The following LRMDA variants were observed in gnomAD, a reference collection of about 807,000 sequenced individuals.
The protein encoded by LRMDA is leucine-rich melanocyte differentiation-associated protein.
In LRMDA, 18 loss-of-function variants were observed where a neutral mutation model predicts 29.8. The ratio of observed to expected loss-of-function variants is 0.60; its 90% confidence interval spans 0.42 to 0.90. The LOEUF (loss-of-function observed/expected upper bound fraction) is 0.90. LRMDA is among the 40% of genes least tolerant of loss of function. The pLI is 0.00. For missense variants in LRMDA, 273 were observed against 273.9 expected (o/e 1.00, Z 0.02); for synonymous variants, 125 against 109.4 (o/e 1.14, Z -0.89).
intron 2 of LRMDA, among the ~76,000 whole-genome samples, chr10:75,611,024 G>A (rs986730866): frequency 6.6e-6 from 1 of 152,164 alleles, no homozygotes; most frequent in Non-Finnish European, 1.5e-5. Flanking sequence ...CAGGGTTTGG[G>A]GTGGTATGAG....
chr10:76,085,694 G>T (rs1052284729), intron 5 of LRMDA, among the ~76,000 whole-genome samples: 1 of 152,152 alleles, frequency 6.6e-6, no homozygotes, highest in African/African-American at 2.4e-5. Flanking sequence ...ATGTTGGTCT[G>T]CCTGGGACAG....
chr10:75,506,204 CAT>C (rs1050978692), intron 2 of LRMDA, among the ~76,000 whole-genome samples: 3 of 152,168 alleles, frequency 2.0e-5, no homozygotes, highest in Non-Finnish European at 2.9e-5. Context: ...TGACCCCAAA[CAT>C]AGACTCTCAG....
At chr10:75,583,030 G>A (rs1840613757) in intron 2 of LRMDA, among the ~76,000 whole-genome samples, 1 of 152,088 alleles carries the variant, frequency 6.6e-6, no homozygotes, top group Non-Finnish European at 1.5e-5. Context: ...TTCTCAGCCT[G>A]GACTTCATTG....
chr10:76,351,382 A>G (rs747361798), intron 6 of LRMDA, among the ~76,000 whole-genome samples: 9 of 152,120 alleles, frequency 5.9e-5, no homozygotes, highest in Non-Finnish European at 8.8e-5. Context: ...TCATGGAGAT[A>G]AGCTAACATG....
chr10:75,852,753 A>G (rs1844753359), intron 2 of LRMDA, among the ~76,000 whole-genome samples: 1 of 152,148 alleles, frequency 6.6e-6, no homozygotes, highest in African/African-American at 2.4e-5. Flanking sequence ...AGTAGGCGGT[A>G]GCTCCTGAGA....
intron 5 of LRMDA, among the ~76,000 whole-genome samples, chr10:76,304,393 A>C (rs552462109): frequency 1.2e-4 from 19 of 152,314 alleles, no homozygotes; most frequent in African/African-American, 4.6e-4. Flanking sequence ...GGATGACTCC[A>C]TTTGGCAGAA....
At chr10:76,485,829 T>C (rs1842778104) in intron 6 of LRMDA, among the ~76,000 whole-genome samples, 1 of 151,976 alleles carries the variant, frequency 6.6e-6, no homozygotes, top group Admixed American at 6.6e-5. Context: ...TTAATTCTTA[T>C]TCTGTTTCTC....
chr10:76,260,015 T>C (rs1839912939), intron 5 of LRMDA, among the ~76,000 whole-genome samples: 1 of 152,096 alleles, frequency 6.6e-6, no homozygotes, highest in African/African-American at 2.4e-5. Flanking sequence ...ATTGGATCTT[T>C]TTTTTTTAAA....
At chr10:76,206,083 A>G (rs1043115176) in intron 5 of LRMDA, among the ~76,000 whole-genome samples, 4 of 152,152 alleles carry the variant, frequency 2.6e-5, no homozygotes, top group African/African-American at 9.7e-5. Context: ...CGATCAAAAG[A>G]CGCATCTGGA....
At chr10:76,302,540 G>A (rs1840494169) in intron 5 of LRMDA, among the ~76,000 whole-genome samples, 2 of 152,070 alleles carry the variant, frequency 1.3e-5, no homozygotes, top group South Asian at 4.2e-4. Context: ...TTGGGGGGTG[G>A]TGGTGGGGAT....
chr10:75,910,031 A>C (rs1845818123), intron 2 of LRMDA, among the ~76,000 whole-genome samples: 1 of 152,172 alleles, frequency 6.6e-6, no homozygotes, highest in Non-Finnish European at 1.5e-5. Context: ...CTTAGGAGGG[A>C]CTGGAATTTT....
chr10:75,865,611 A>G (rs1381584305), intron 2 of LRMDA, among the ~76,000 whole-genome samples: 3 of 152,170 alleles, frequency 2.0e-5, no homozygotes, highest in Non-Finnish European at 4.4e-5. Flanking sequence ...AGGTTTAGAA[A>G]AAATTTGTTT....
chr10:76,179,377 C>T (rs11001671), intron 5 of LRMDA, among the ~76,000 whole-genome samples: 24,341 of 151,626 alleles, frequency 0.16, 2,666 homozygotes, highest in East Asian at 0.52. Context: ...GATGAGGAAA[C>T]GGAGGCCTAG....
At chr10:76,168,694 T>G (rs889234611) in intron 5 of LRMDA, among the ~76,000 whole-genome samples, 1 of 151,742 alleles carries the variant, frequency 6.6e-6, no homozygotes, top group Non-Finnish European at 1.5e-5. Context: ...TAGATGAAAC[T>G]GTATGATGAG....
intron 6 of LRMDA, among the ~76,000 whole-genome samples, chr10:76,513,994 G>A (rs1015795594): frequency 6.6e-6 from 1 of 152,130 alleles, no homozygotes; most frequent in Non-Finnish European, 1.5e-5. Flanking sequence ...AGAACAAATA[G>A]TATTAGGGTA....
chr10:76,266,538 T>C (rs990917151), intron 5 of LRMDA, among the ~76,000 whole-genome samples: 4 of 152,200 alleles, frequency 2.6e-5, no homozygotes, highest in Admixed American at 6.5e-5. Context: ...CAATACCTGT[T>C]TGAGGAAAGA....
chr10:75,753,430 A>G (rs1842990686), intron 2 of LRMDA, among the ~76,000 whole-genome samples: 1 of 152,204 alleles, frequency 6.6e-6, no homozygotes, highest in East Asian at 1.9e-4. Flanking sequence ...TAATTTTGAT[A>G]TGGTGGCCAC....
At chr10:75,532,283 G>T (rs182506748) in intron 2 of LRMDA, among the ~76,000 whole-genome samples, 162 of 152,206 alleles carry the variant, frequency 1.1e-3, no homozygotes, top group African/African-American at 3.7e-3. Flanking sequence ...AGGCATTCCT[G>T]GTTGCCAGAT....
intron 2 of LRMDA, among the ~76,000 whole-genome samples, chr10:75,558,634 A>T: frequency 2.0e-5 from 3 of 148,076 alleles, no homozygotes; most frequent in Admixed American, 6.7e-5. Context: ...GCACCCATTA[A>T]CTCGTCATTT....
Sources: allele counts gnomAD v4.1 joint callset (sites outside exome capture counted in the v4.1 genomes callset), GRCh38; gene constraint gnomAD v4.1.1; transcripts MANE v1.5; gene names NCBI Gene and HGNC (gene_info 2026-07-23, HGNC 2026-07-21).